Variants in SRRM3 observed in about 807,000 individuals in gnomAD.
SRRM3 encodes the protein serine/arginine repetitive matrix protein 3.
Under a neutral mutation model 66.2 loss-of-function variants are expected in SRRM3, and 27 were observed. The observed-to-expected ratio is 0.41, with a 90% CI of 0.30 to 0.56. SRRM3 has a LOEUF of 0.56. Ranked by LOEUF, SRRM3 falls within the 20% of genes least tolerant of loss-of-function variation. The pLI, the probability that SRRM3 is intolerant of heterozygous loss-of-function variation, is 0.32. For missense variants in SRRM3, 918 were observed against 991.9 expected, an observed-to-expected ratio of 0.93 and a Z score of 1.00; for synonymous variants, 391 against 414.9, an observed-to-expected ratio of 0.94 and a Z score of 0.70.
chr7:76,221,359 C>CTTTTTTTTTTTTTTT lies in SRRM3; in HGVS notation c.-39-13662_-39-13648dup, dbSNP rs781915041. Among the ~76,000 whole-genome samples the CTTTTTTTTTTTTTTT allele has an allele frequency of 6.4e-4, 61 of 95,352 alleles. 14 individuals carry two copies. The highest frequency in any genetic ancestry group is 2.8e-3 in the African/African-American group (52 of 18,250). The allele number at this position is 95,352 out of a possible 152,430, so 62.6% of individuals were successfully genotyped here. A position where few individuals can be genotyped will look rare whatever the true frequency, so the allele number is the denominator to read the frequency against. ...TTTGAGCCACTGGGCCTGCCCTCCT[C>CTTTTTTTTTTTTTTT]TTTTTTTTTTTTTTTTTTTTTGAGA... is the stretch of plus-strand genomic sequence containing the variant. On this transcript the variant is annotated intron_variant, in intron 1 of 14. Transcript: ENST00000611745.
At chr7:76,259,818 G>T in intron 3 of SRRM3, 88 bp from the exon 4 acceptor site, 1 of 1,575,564 alleles carries the variant, frequency 6.3e-7, no homozygotes, top group African/African-American at 1.4e-5. Context: ...CCGCAGACTT[G>T]CGGGGCTAGG....
Position 76,235,159 on chromosome 7 carries a change from C to G in SRRM3, c.93C>G (p.Thr31=). ...CGCAGCCCAGCTCCTCCTCGGGGACCTGGCCGCGGGCGGAAGAGGAGCTGC... is the reference window on the plus strand; with the variant it reads ...CGCAGCCCAGCTCCTCCTCGGGGACGTGGCCGCGGGCGGAAGAGGAGCTGC... ...GFPQPSSSSG[T]WPRAEEELRA... Residue 31 remains threonine, a synonymous_variant, in exon 2 of 15, where the codon ACC becomes ACG. Transcript: ENST00000611745. The G allele has an allele frequency of 6.4e-7, 1 of 1,556,800 alleles. No individual in the cohort carries two copies. Among genetic ancestry groups the G allele is most frequent in the Non-Finnish European group, 8.6e-7 (1 of 1,159,072 alleles).
At chr7:76,235,689 A>G (rs1801126987) in intron 2 of SRRM3, among the ~76,000 whole-genome samples, 1 of 151,808 alleles carries the variant, frequency 6.6e-6, no homozygotes, top group Non-Finnish European at 1.5e-5. Flanking sequence ...AACATGGTGA[A>G]ACCCCGTCTC....
At chr7:76,243,573 T>C (rs1357839348) in intron 2 of SRRM3, among the ~76,000 whole-genome samples, 2 of 151,994 alleles carry the variant, frequency 1.3e-5, no homozygotes, top group African/African-American at 4.8e-5. Context: ...CCGCTGCAGG[T>C]CTCCCTGAAA....
At position 76,283,102 on chromosome 7, in the gene SRRM3, G is replaced by A; in HGVS notation, c.1733+1G>A. The A allele has an allele frequency of 1.4e-6, 2 of 1,446,190 alleles. No individual in the cohort carries two copies. Among genetic ancestry groups the A allele is most frequent in the South Asian group, 1.5e-5 (1 of 68,962 alleles). 89.6% of individuals were successfully genotyped at this position (1,446,190 alleles called of 1,614,324 possible). On this transcript the variant is annotated splice_donor_variant, in intron 14 of 14. Coordinates refer to ENST00000611745, the MANE Select transcript of SRRM3 (RefSeq NM_001110199.3). LOFTEE classifies it high-confidence loss of function. Reference sequence around the variant, plus strand: ...TCATGGAGCCGCGGCGCATCACCAGGTATGGAGGGTCTTGGGGGGGCCGGT... The same window carrying A: ...TCATGGAGCCGCGGCGCATCACCAGATATGGAGGGTCTTGGGGGGGCCGGT...
chr7:76,251,526 T>C (rs1389848820), intron 3 of SRRM3, among the ~76,000 whole-genome samples: 2 of 152,086 alleles, frequency 1.3e-5, no homozygotes, highest in East Asian at 1.9e-4. Context: ...AGGCGCACGC[T>C]GCCACGCCCG....
At chr7:76,243,961 C>A (rs1207254032) in intron 2 of SRRM3, among the ~76,000 whole-genome samples, 2 of 152,222 alleles carry the variant, frequency 1.3e-5, no homozygotes, top group Admixed American at 6.5e-5. Flanking sequence ...AACTCACATG[C>A]CCAGACAAGG....
intron 1 of SRRM3, among the ~76,000 whole-genome samples, chr7:76,212,391 A>G (rs919139091): frequency 1.3e-5 from 2 of 149,752 alleles, no homozygotes; most frequent in Admixed American, 6.7e-5. Context: ...TCCTGGCCTC[A>G]ACTGATCCTC....
In SRRM3 at chr7:76,284,398, A is replaced by G. The variant is rs550222996; in HGVS notation, c.1734-1217A>G. Among the ~76,000 whole-genome samples the G allele has an allele frequency of 3.0e-4, 46 of 152,052 alleles. 1 individual carries two copies. In the South Asian group the frequency reaches 9.3e-3, roughly 31 times the overall value. On this transcript the variant is annotated intron_variant, in intron 14 of 14. Transcript: ENST00000611745. The stretch of plus-strand genomic sequence containing the variant: ...TCACCATGTTAGTCAGGCTGGTCTC[A>G]AACTCCTGACCTCAGGTGATCCACC...
chr7:76,266,349 A>T (rs1360926603), intron 10 of SRRM3, among the ~76,000 whole-genome samples: 8 of 115,544 alleles, frequency 6.9e-5, no homozygotes, highest in Middle Eastern at 4.2e-3. Flanking sequence ...TTTCAATATA[A>T]ATATTAATGT....
At chr7:76,239,574 A>G (rs1261744713) in intron 2 of SRRM3, among the ~76,000 whole-genome samples, 1 of 152,036 alleles carries the variant, frequency 6.6e-6, no homozygotes, top group Non-Finnish European at 1.5e-5. Flanking sequence ...GTGGTGGCAC[A>G]TGCCTGTGGT....
intron 3 of SRRM3, among the ~76,000 whole-genome samples, chr7:76,256,008 T>C (rs1554607647): frequency 2.0e-5 from 3 of 152,130 alleles, no homozygotes; most frequent in Non-Finnish European, 4.4e-5. Context: ...TCCTCAAAGG[T>C]GGTCTGTTCT....
At position 76,231,884 on chromosome 7, in the gene SRRM3, G is replaced by C. The variant is rs571272950; in HGVS notation, c.-39-3144G>C. ...CCTAGGTGAAGAAAAGGGGAAACAG[G>C]ACTCCAGCGGAGGGGAAACACATAG... On this transcript the variant is annotated intron_variant, in intron 1 of 14. Coordinates refer to ENST00000611745, the MANE Select transcript of SRRM3 (RefSeq NM_001110199.3). Among the ~76,000 whole-genome samples the C allele has an allele frequency of 3.9e-5, 6 of 152,288 alleles. No individual in the cohort carries two copies. The East Asian group carries it at 9.6e-4, about 24-fold the overall frequency.
At chr7:76,276,633 G>T (rs1379179651) in intron 11 of SRRM3, among the ~76,000 whole-genome samples, 1 of 152,126 alleles carries the variant, frequency 6.6e-6, no homozygotes, top group Non-Finnish European at 1.5e-5. Flanking sequence ...GGGGAGGTTC[G>T]GAGGTCTCTG....
chr7:76,229,111 G>A (rs1234216891), intron 1 of SRRM3, among the ~76,000 whole-genome samples: 1 of 151,880 alleles, frequency 6.6e-6, no homozygotes, highest in African/African-American at 2.4e-5. Context: ...TGTTAGCCAG[G>A]ATGGTCTCGA....
At position 76,285,560 on chromosome 7, in the gene SRRM3, TG is replaced by T; in HGVS notation, c.1734-52del. 1 of 1,458,904 alleles carries T rather than the reference TG, an allele frequency of 6.9e-7. No homozygotes were observed. The highest frequency in any genetic ancestry group is 9.3e-7 in the Non-Finnish European group (1 of 1,074,632). The allele number at this position is 1,458,904 out of a possible 1,614,324, so 90.4% of individuals were successfully genotyped here. A position where few individuals can be genotyped will look rare whatever the true frequency, so the allele number is the denominator to read the frequency against. On this transcript the variant is annotated intron_variant, in intron 14 of 14. Transcript: ENST00000611745. This position sits in a 1 kb window ranked among gnomAD's most constrained non-coding sequence, Gnocchi z 4.1. ...TGAGGCAGGAAGCCCTGGCCGCTGCTGGGATGGGGCTCGGGGCCTGGGATGG... is the reference window on the plus strand; with the variant it reads ...TGAGGCAGGAAGCCCTGGCCGCTGCTGGATGGGGCTCGGGGCCTGGGATGG...
intron 1 of SRRM3, among the ~76,000 whole-genome samples, chr7:76,217,698 G>A (rs1800603941): frequency 6.6e-6 from 1 of 152,136 alleles, no homozygotes; most frequent in African/African-American, 2.4e-5. Flanking sequence ...GGGCAGGAGG[G>A]GTCTAGGCAG....
chr7:76,239,856 C>T (rs1323277144), intron 2 of SRRM3, among the ~76,000 whole-genome samples: 2 of 151,912 alleles, frequency 1.3e-5, no homozygotes, highest in African/African-American at 2.4e-5. Flanking sequence ...ATAGGGAGAC[C>T]CTGTCTGTAC....
intron 3 of SRRM3, among the ~76,000 whole-genome samples, chr7:76,250,037 ATTTATTTATT>A (rs1801536932): frequency 7.2e-6 from 1 of 139,550 alleles, no homozygotes; most frequent in African/African-American, 2.6e-5. Flanking sequence ...TTATTTATTT[ATTTATTTATT>A]TTTATTTATT....
Sources: allele counts gnomAD v4.1 joint callset (sites outside exome capture counted in the v4.1 genomes callset), GRCh38; gene constraint gnomAD v4.1.1; non-coding constraint Gnocchi (gnomAD v3.1); transcripts MANE v1.5; gene names NCBI Gene and HGNC (gene_info 2026-07-23, HGNC 2026-07-21).